CSF1R: variants seen among roughly 807,000 people sequenced by gnomAD.
CSF1R encodes colony stimulating factor 1 receptor.
CSF1R carries 40 observed loss-of-function variants against 110.0 expected under a neutral mutation model. The ratio of observed to expected loss-of-function variants is 0.36; its 90% CI spans 0.28 to 0.47. The LOEUF (loss-of-function observed/expected upper bound fraction) is 0.47, where lower values mean the gene tolerates loss of function less well. Among genes scored for constraint, CSF1R ranks in the 20% least tolerant of loss-of-function variants. CSF1R has a pLI of 0.99. For missense variants in CSF1R, 1,052 were observed against 1,253.0 expected (o/e 0.84, Z 2.42); for synonymous variants, 523 against 503.4 (o/e 1.04, Z -0.52).
At chr5:150,078,913 C>T (rs182217603) in intron 3 of CSF1R, among the ~76,000 whole-genome samples, 63 of 152,346 alleles carry the variant, frequency 4.1e-4, no homozygotes, top group African/African-American at 1.4e-3. Flanking sequence ...CGCCACTCCC[C>T]AGCTTGGTTT....
upstream of CSF1R, among the ~76,000 whole-genome samples, chr5:150,088,725 G>T (rs1002433555): frequency 1.3e-5 from 2 of 152,064 alleles, no homozygotes; most frequent in Non-Finnish European, 2.9e-5. Context: ...GTAGAGACAG[G>T]GTTTCACCAT....
intron 1 of CSF1R, among the ~76,000 whole-genome samples, chr5:150,083,121 T>C (rs1002298276): frequency 1.3e-5 from 2 of 152,054 alleles, no homozygotes; most frequent in African/African-American, 4.8e-5. Context: ...CCCTGCTGGC[T>C]TGGCTAGCAG....
At chr5:150,070,635 A>G in intron 6 of CSF1R, 64 bp from the exon 7 acceptor site, 1 of 1,200,074 alleles carries the variant, frequency 8.3e-7, no homozygotes, top group Admixed American at 3.1e-5. Context: ...CCAGGATTGC[A>G]GTCAGATAAC....
At position 150,069,933 on chromosome 5, in the gene CSF1R, C is replaced by T. The variant is rs1452088406; in HGVS notation, c.1450G>A (p.Glu484Lys). The T allele has an allele frequency of 2.5e-6, 4 of 1,614,014 alleles. No individual in the cohort carries two copies. The highest frequency in any genetic ancestry group is 1.3e-5 in the African/African-American group (1 of 74,998). The change falls in exon 9 of 21, where the codon GAG (glutamate) becomes AAG (lysine). Residue 484 changes from glutamate to lysine, a missense_variant. By Grantham distance (56) the Glu-to-Lys change is moderately conservative (BLOSUM62 1). This residue lies in a region of CSF1R where 693 missense variants were observed against 735.4 expected (regional missense o/e 0.94). Coordinates refer to ENST00000675795, the MANE Select transcript of CSF1R (RefSeq NM_001288705.3). The stretch of plus-strand genomic sequence containing the variant: ...CCCACGCTGTTGTGGGCCCTGCACT[C>T]GTAGGTTTGGTTGTGCTCTAAGGTC... Reference protein sequence around the residue: ...VETLEHNQTYECRAHNSVGSG... With the variant: ...VETLEHNQTYKCRAHNSVGSG...
At chr5:150,094,223 A>G in intron 1 of CSF1R, 1 of 839,906 alleles carries the variant, frequency 1.2e-6, no homozygotes, top group Non-Finnish European at 1.8e-6. Flanking sequence ...GACAGAATCA[A>G]TTTTACAAGA....
chr5:150,067,575 C>T (rs533185041), intron 10 of CSF1R, among the ~76,000 whole-genome samples: 30 of 152,328 alleles, frequency 2.0e-4, no homozygotes, highest in Admixed American at 2.0e-3. Context: ...ACACTATACG[C>T]AACATGCACT....
intron 14 of CSF1R, among the ~76,000 whole-genome samples, chr5:150,059,112 T>C (rs1393599712): frequency 6.6e-6 from 1 of 152,176 alleles, no homozygotes; most frequent in African/African-American, 2.4e-5. Flanking sequence ...TGGTGTGATC[T>C]CAGCTCACAG....
At chr5:150,059,907 C>G in intron 13 of CSF1R, 45 bp from the exon 14 acceptor site, 1 of 1,576,932 alleles carries the variant, frequency 6.3e-7, no homozygotes, top group Non-Finnish European at 8.7e-7. Context: ...CTGAGTGCTC[C>G]CCTCCATGAA....
intron 9 of CSF1R, among the ~76,000 whole-genome samples, chr5:150,069,230 G>A (rs908350752): frequency 3.3e-5 from 5 of 152,194 alleles, no homozygotes; most frequent in African/African-American, 9.6e-5. Context: ...CTGGCACACA[G>A]TGGGTGCCAG....
At chr5:150,068,849 T>C (rs1390476420) in intron 9 of CSF1R, among the ~76,000 whole-genome samples, 3 of 152,244 alleles carry the variant, frequency 2.0e-5, no homozygotes, top group Non-Finnish European at 4.4e-5. Context: ...CCAGAATCTA[T>C]ACTACTAGTT....
chr5:150,071,235 AAACT>A (rs1334902175), intron 6 of CSF1R, among the ~76,000 whole-genome samples: 1 of 152,216 alleles, frequency 6.6e-6, no homozygotes, highest in African/African-American at 2.4e-5. Context: ...CCTGGAGCAA[AAACT>A]AACAATAAAA....
chr5:150,107,064 A>G (rs1759579680), intron 1 of CSF1R, among the ~76,000 whole-genome samples: 2 of 152,236 alleles, frequency 1.3e-5, no homozygotes, highest in Admixed American at 6.5e-5. Context: ...TGCTCAGTCA[A>G]TGCCAGATGC....
At chr5:150,078,059 C>T (rs958529855) in intron 4 of CSF1R, 53 bp downstream of exon 4, 70 of 1,606,698 alleles carry the variant, frequency 4.4e-5, no homozygotes, top group Non-Finnish European at 6.0e-5. Context: ...CATGGGAAAC[C>T]TGGTGTGCTG....
rs542804250 is a variant in CSF1R, at chr5:150,106,201, G to A, written c.-181+7060C>T. Among the ~76,000 whole-genome samples, 205 of 152,340 alleles carry A rather than the reference G, an allele frequency of 1.3e-3. 5 individuals carry two copies. Among genetic ancestry groups the A allele is most frequent in the Non-Finnish European group, 8.8e-5 (6 of 68,040 alleles). ...GCCTTGGTGATGCTGCCGGGAAGGT[G>A]ACAAACAAGAATCCCAGATTGACAT... On this transcript the variant is annotated intron_variant, in intron 1 of 21. Coordinates refer to the CSF1R transcript ENST00000286301.
chr5:150,065,324 C>T (rs1343718388), intron 10 of CSF1R, among the ~76,000 whole-genome samples: 1 of 152,176 alleles, frequency 6.6e-6, no homozygotes, highest in African/African-American at 2.4e-5. Context: ...AGTTCCAGCC[C>T]CCAGAATCGT....
intron 13 of CSF1R, among the ~76,000 whole-genome samples, chr5:150,060,348 GA>G (rs71992938): frequency 8.3e-5 from 12 of 143,836 alleles, no homozygotes; most frequent in African/African-American, 2.6e-4. Context: ...AACAAAAAAT[GA>G]AAAAAAAAAG....
At chr5:150,108,627 G>GA (rs1385758791) in intron 1 of CSF1R, among the ~76,000 whole-genome samples, 4 of 152,092 alleles carry the variant, frequency 2.6e-5, no homozygotes, top group African/African-American at 4.8e-5. Flanking sequence ...CTTCAGAGGG[G>GA]AAAAAAGGGA....
intron 19 of CSF1R, 22 bp from the exon 20 acceptor site, chr5:150,054,452 GC>G: frequency 1.3e-6 from 2 of 1,593,552 alleles, no homozygotes; most frequent in Non-Finnish European, 1.7e-6. Flanking sequence ...GACAGAGGAT[GC>G]CCATGGGCAG....
chr5:150,081,497 C>G (rs1758541830), intron 1 of CSF1R, among the ~76,000 whole-genome samples: 1 of 152,152 alleles, frequency 6.6e-6, no homozygotes, highest in Non-Finnish European at 1.5e-5. Context: ...GATCTTAGCC[C>G]AGCAGAGTTA....
Sources: gnomAD v4.1 joint callset for allele counts (sites outside exome capture counted in the v4.1 genomes callset) on GRCh38, gnomAD v4.1.1 for gene constraint, gnomAD v4.1.1 regional missense constraint, MANE v1.5 for transcripts, NCBI Gene and HGNC (gene_info 2026-07-23, HGNC 2026-07-21) for gene names.